The following ATP2C1 variants were observed in gnomAD, a reference collection of about 807,000 sequenced individuals.
ATP2C1 encodes the protein calcium-transporting ATPase type 2C member 1.
Under a neutral mutation model 120.5 loss-of-function variants are expected in ATP2C1, and 31 were observed. The ratio of observed to expected loss-of-function variants is 0.26; its 90% confidence interval spans 0.19 to 0.35. The LOEUF is 0.35. Among genes scored for constraint, ATP2C1 ranks in the 10% least tolerant of loss-of-function variants. ATP2C1 has a pLI of 1.00. For missense variants in ATP2C1, 731 were observed against 1,107.5 expected, an observed-to-expected ratio of 0.66 and a Z score of 4.83; for synonymous variants, 351 against 358.7, an observed-to-expected ratio of 0.98 and a Z score of 0.24.
chr3:130,986,967 T>C (rs1029184692), intron 20 of ATP2C1, among the ~76,000 whole-genome samples: 7 of 151,524 alleles, frequency 4.6e-5, no homozygotes, highest in Non-Finnish European at 1.0e-4. Flanking sequence ...AGAGATGGTG[T>C]TTTGCTTTAT....
intron 2 of ATP2C1, among the ~76,000 whole-genome samples, chr3:130,923,562 C>T (rs922727908): frequency 1.3e-5 from 2 of 149,596 alleles, no homozygotes; most frequent in African/African-American, 4.9e-5. Flanking sequence ...TCTAGTTTGT[C>T]TGATATAAGA....
chr3:130,979,127 A>T, intron 18 of ATP2C1, 122 bp from the exon 19 acceptor site: 3 of 916,762 alleles, frequency 3.3e-6, no homozygotes, highest in South Asian at 1.5e-5. Context: ...TTTACAAATG[A>T]CATTATAGTC....
At chr3:130,898,231 G>T (rs1326401125) in intron 2 of ATP2C1, among the ~76,000 whole-genome samples, 10 of 152,160 alleles carry the variant, frequency 6.6e-5, no homozygotes. Flanking sequence ...TAAGATTATA[G>T]ACAGAGCTAA....
In ATP2C1 at chr3:131,013,454, GT is replaced by G. The variant is rs766442780; in HGVS notation, c.2630-2695del. Among the ~76,000 whole-genome samples, 24 of 152,270 alleles carry G rather than the reference GT, an allele frequency of 1.6e-4. No individual in the cohort carries two copies. In the East Asian group the frequency reaches 2.9e-3, roughly 18 times the overall value. ...TCTCTTGATATTTTCACTTCTCACT[GT>G]TTCCTCCTTCTCCAGGTCTAACAGC... On this transcript the variant is annotated intron_variant, in intron 26 of 26. Coordinates refer to the ATP2C1 transcript ENST00000328560.
At chr3:130,915,312 T>C (rs923781096) in intron 2 of ATP2C1, among the ~76,000 whole-genome samples, 1 of 152,120 alleles carries the variant, frequency 6.6e-6, no homozygotes, top group African/African-American at 2.4e-5. Context: ...CAGGCTGGTC[T>C]CGAACTCCTG....
intron 8 of ATP2C1, among the ~76,000 whole-genome samples, chr3:130,943,979 G>A (rs1407504569): frequency 6.6e-6 from 1 of 152,152 alleles, no homozygotes; most frequent in Non-Finnish European, 1.5e-5. Flanking sequence ...ATTTTGTAAG[G>A]CTAGCTGGTC....
At position 130,930,401 on chromosome 3, in the gene ATP2C1, G is replaced by C. The variant is rs1446463308; in HGVS notation, c.7-15G>C. ...TGCTATATTCAAATATTTTTTCTTT[G>C]GTTTTACTTCCTAGGTTGCACGTTT... is the stretch of plus-strand genomic sequence containing the variant. On this transcript the variant is annotated splice_polypyrimidine_tract_variant and intron_variant, in intron 2 of 27. Coordinates refer to ENST00000510168, the MANE Select transcript of ATP2C1 (RefSeq NM_001378687.1). The C allele has an allele frequency of 6.6e-7, 1 of 1,512,444 alleles. No individual in the cohort carries two copies. The highest frequency in any genetic ancestry group is 9.2e-7 in the Non-Finnish European group (1 of 1,088,234). The allele number at this position is 1,512,444 out of a possible 1,614,324, so 93.7% of individuals were successfully genotyped here. A position where few individuals can be genotyped will look rare whatever the true frequency, so the allele number is the denominator to read the frequency against.
chr3:130,982,928 A>G (rs762422630), intron 20 of ATP2C1, among the ~76,000 whole-genome samples: 5 of 152,210 alleles, frequency 3.3e-5, no homozygotes, highest in Non-Finnish European at 7.4e-5. Flanking sequence ...ACTTAAAAAA[A>G]TGTGTTTAAC....
At chr3:130,950,773 C>CA (rs2060337992) in intron 8 of ATP2C1, among the ~76,000 whole-genome samples, 1 of 151,934 alleles carries the variant, frequency 6.6e-6, no homozygotes, top group African/African-American at 2.4e-5. Context: ...TTCCACCAGA[C>CA]AAGGGCTCTC....
intron 1 of ATP2C1, among the ~76,000 whole-genome samples, chr3:130,853,210 T>C (rs1382999348): frequency 6.6e-6 from 1 of 152,226 alleles, no homozygotes; most frequent in Non-Finnish European, 1.5e-5. Context: ...TATTAAATTC[T>C]AGGTAGATAC....
At chr3:130,967,982 G>GT (rs2108663521) in intron 16 of ATP2C1, among the ~76,000 whole-genome samples, 1 of 152,254 alleles carries the variant, frequency 6.6e-6, no homozygotes, top group African/African-American at 2.4e-5. Context: ...GAGAAACCTA[G>GT]TAAGTCCAGC....
rs200074430 is a variant in ATP2C1 at position 130,966,850 on chromosome 3, A to C, written c.1123-295A>C. Among the ~76,000 whole-genome samples the C allele has an allele frequency of 7.9e-5, 12 of 152,328 alleles. No homozygotes were observed. The East Asian group carries it at 2.1e-3, about 27-fold the overall frequency. ...TAGTATGCTATATAAGTGTAATGTC[A>C]TATAAGTTTAAGCTTACTTATGTAT... On this transcript the variant is annotated intron_variant, in intron 14 of 27. Transcript: ENST00000510168.
At position 130,974,660 on chromosome 3, in the gene ATP2C1, G is replaced by A. The variant is rs528629504; in HGVS notation, c.1414-672G>A. On this transcript the variant is annotated intron_variant, in intron 17 of 27. Transcript: ENST00000510168. ...TTAGCTATATCATAAAGATGGGGAG[G>A]GGGGGAATAGATAGTGGAAATGGGG... 8.5e-5 allele frequency among the ~76,000 whole-genome samples: 13 copies of A among 152,138 alleles called. No individual in the cohort carries two copies. The East Asian group carries it at 2.5e-3, about 29-fold the overall frequency.
At chr3:131,012,704 A>G (rs753170490) in intron 26 of ATP2C1, among the ~76,000 whole-genome samples, 1 of 152,222 alleles carries the variant, frequency 6.6e-6, no homozygotes, top group Non-Finnish European at 1.5e-5. Flanking sequence ...GGTTATAAAA[A>G]TAACCTTACT....
rs1416019989 is a variant in ATP2C1 at position 130,964,951 on chromosome 3, G to A, written c.1028G>A (p.Cys343Tyr). 2 of 1,607,262 alleles carry A rather than the reference G, an allele frequency of 1.2e-6. No individual in the cohort carries two copies. The highest frequency in any genetic ancestry group is 1.3e-5 in the African/African-American group (1 of 74,640). The stretch of plus-strand genomic sequence containing the variant: ...TTGTAATGATTTAATTCTTTAGGCT[G>A]CTGTAATGTGATTTGTTCAGATAAA... ...KKLPIVETLG[C>Y]CNVICSDKTG... Residue 343 changes from cysteine (C) to tyrosine (Y), a missense_variant, in exon 14 of 28, where the codon TGC (cysteine) becomes TAC (tyrosine). Cys to Tyr is a radical substitution (Grantham distance 194, BLOSUM62 -2). Transcript: ENST00000510168.
intron 11 of ATP2C1, among the ~76,000 whole-genome samples, chr3:130,956,561 A>G (rs2060589792): frequency 2.0e-5 from 3 of 151,918 alleles, no homozygotes; most frequent in Admixed American, 1.3e-4. Flanking sequence ...GGGAAAACAT[A>G]TAAGAAGACC....
intron 1 of ATP2C1, among the ~76,000 whole-genome samples, chr3:130,858,510 G>A (rs1026110362): frequency 1.2e-4 from 18 of 152,222 alleles, no homozygotes; most frequent in Non-Finnish European, 2.2e-4. Flanking sequence ...TCCTTTGAAG[G>A]CACTTGGTAA....
Position 130,863,332 on chromosome 3 carries a change from T to C in ATP2C1, c.108+12404T>C, listed in dbSNP as rs143334113. 2.3e-3 allele frequency among the ~76,000 whole-genome samples: 344 copies of C among 152,242 alleles called. 1 individual carries two copies. Among genetic ancestry groups the C allele is most frequent in the Non-Finnish European group, 2.2e-3 (152 of 68,024 alleles). ...ACCATTTATATTCAAAAAAGAATTA[T>C]TTGCAAAGGGATTCTTTGCAAATAC... On this transcript the variant is annotated intron_variant, in intron 1 of 26. Transcript: ENST00000504381.
intron 18 of ATP2C1, 29 bp from the exon 19 acceptor site, chr3:130,979,220 T>C (rs750435630): frequency 1.6e-5 from 25 of 1,611,400 alleles, no homozygotes; most frequent in Non-Finnish European, 2.0e-5. Flanking sequence ...CTTTTTTTTG[T>C]TGTTGTTTGG....
Sources: allele counts gnomAD v4.1 joint callset (sites outside exome capture counted in the v4.1 genomes callset), GRCh38; gene constraint gnomAD v4.1.1; transcripts MANE v1.5; gene names NCBI Gene and HGNC (gene_info 2026-07-23, HGNC 2026-07-21).